Variants in ZNF208 observed in about 807,000 individuals in gnomAD.
The protein encoded by ZNF208 is zinc finger protein 208.
Under a neutral mutation model 12.1 loss-of-function variants are expected in ZNF208, and 10 were observed. The ratio of observed to expected loss-of-function variants is 0.83; its 90% CI spans 0.51 to 1.40. The LOEUF is 1.40. ZNF208 is among the 40% of genes most tolerant of loss of function. The pLI is 0.00. For synonymous variants in ZNF208, 497 were observed against 488.4 expected, an observed-to-expected ratio of 1.02 and a Z score of -0.23; for missense variants, 1,652 against 1,485.0, an observed-to-expected ratio of 1.11 and a Z score of -1.85.
downstream of ZNF208, among the ~76,000 whole-genome samples, chr19:21,961,271 C>A (rs563026221): frequency 1.2e-4 from 19 of 152,226 alleles, no homozygotes; most frequent in African/African-American, 4.3e-4. Context: ...AGCCACAAAT[C>A]CAGCAAGTTT....
chr19:22,007,505 CAAAAAAAAAAAAAA>C (rs58769307), intron 1 of ZNF208, among the ~76,000 whole-genome samples: 2 of 62,556 alleles, frequency 3.2e-5, no homozygotes, highest in African/African-American at 8.1e-5. Flanking sequence ...ACTCTGTCTC[CAAAAAAAAAAAAAA>C]AAAAAAAAAA....
At chr19:21,974,977 G>A (rs558727964) in intron 3 of ZNF208, among the ~76,000 whole-genome samples, 170 bp from the exon 4 acceptor site, 48 of 152,148 alleles carry the variant, frequency 3.2e-4, no homozygotes, top group African/African-American at 8.9e-4. Context: ...CATATAGACC[G>A]AAATACATAT....
chr19:22,000,002 G>A (rs534730885), intron 1 of ZNF208, among the ~76,000 whole-genome samples: 258 of 152,178 alleles, frequency 1.7e-3, no homozygotes, highest in Non-Finnish European at 3.1e-3. Context: ...ATGTTTATGG[G>A]GGGAAAAGCA....
chr19:21,995,444 G>A (rs1295139824), intron 1 of ZNF208, among the ~76,000 whole-genome samples: 1 of 152,190 alleles, frequency 6.6e-6, no homozygotes, highest in East Asian at 1.9e-4. Flanking sequence ...CACTGGGACA[G>A]AAGCAGAATT....
intron 1 of ZNF208, among the ~76,000 whole-genome samples, chr19:21,999,017 T>G (rs1019557690): frequency 4.2e-5 from 6 of 143,710 alleles, no homozygotes. Flanking sequence ...TGCTATAATT[T>G]TATAGCATAA....
rs149332948 is a variant in ZNF208 at position 22,005,002 on chromosome 19, G to A, written c.3+5790C>T. Among the ~76,000 whole-genome samples the A allele has an allele frequency of 4.6e-5, 7 of 152,320 alleles. No homozygotes were observed. In the East Asian group the frequency reaches 1.4e-3, roughly 29 times the overall value. On this transcript the variant is annotated intron_variant, in intron 1 of 3. Coordinates refer to ENST00000397126, the MANE Select transcript of ZNF208 (RefSeq NM_007153.3). Reference sequence around the variant, plus strand: ...GGTTTGTCCTATAGATAGTGGCCCAGGTGGGGCTGTACTCTGATTTATTTC... The same window carrying A: ...GGTTTGTCCTATAGATAGTGGCCCAAGTGGGGCTGTACTCTGATTTATTTC...
In ZNF208 at chr19:21,972,113, T is replaced by G; in HGVS notation, c.2921A>C (p.Lys974Thr). ...KKIHTEEKPYKYEECGKGFST... is the reference protein window; with the variant it reads ...KKIHTEEKPYTYEECGKGFST... ...AAAGCCTTTGCCACATTCTTCATAT[T>G]TGTAAGGTTTCTCTTCAGTATGAAT... The change falls in exon 4 of 4, where the codon AAA (lysine) becomes ACA (threonine). Residue 974 changes from lysine to threonine, a missense_variant. By Grantham distance (78) the Lys-to-Thr change is moderately conservative (BLOSUM62 -1). Coordinates refer to ENST00000397126, the MANE Select transcript of ZNF208 (RefSeq NM_007153.3). 2 of 1,613,300 alleles carry G rather than the reference T, an allele frequency of 1.2e-6. No individual in the cohort carries two copies. The highest frequency in any genetic ancestry group is 1.1e-5 in the South Asian group (1 of 91,002).
Position 21,967,142 on chromosome 19 carries a change from A to G in ZNF208, c.*4049T>C, listed in dbSNP as rs1970186225. The G allele has an allele frequency of 6.6e-6, 1 of 151,936 alleles. No individual in the cohort carries two copies. The highest frequency in any genetic ancestry group is 1.5e-5 in the Non-Finnish European group (1 of 67,980). 9.4% of individuals were successfully genotyped at this position (151,936 alleles called of 1,614,324 possible). On this transcript the variant is annotated 3_prime_UTR_variant, in exon 4 of 4. Coordinates refer to ENST00000397126, the MANE Select transcript of ZNF208 (RefSeq NM_007153.3). ...TAGTCATAAATTCTTTACAGAGGCC[A>G]GTATTATCTAAGTGTTATTCTAAGA...
chr19:21,961,864 T>G (rs771398516), downstream of ZNF208, among the ~76,000 whole-genome samples: 1 of 152,136 alleles, frequency 6.6e-6, no homozygotes, highest in East Asian at 1.9e-4. Context: ...CTAAAATCAC[T>G]GTTATTCTGT....
chr19:21,973,556 C>T lies in ZNF208; in HGVS notation c.1478G>A (p.Gly493Glu). 6.2e-7 allele frequency: 1 copy of T among 1,612,924 alleles called. No homozygotes were observed. Among genetic ancestry groups the T allele is most frequent in the Non-Finnish European group, 8.5e-7 (1 of 1,179,774 alleles). The stretch of plus-strand genomic sequence containing the variant: ...TTCTTCACATTTGTAGGGTTTCTCT[C>T]CAGCATGAGTTGCCTTATCACATTC... ...CEECDKATHA[G>E]EKPYKCEECG... The change falls in exon 4 of 4, where the codon GGA (glycine) becomes GAA (glutamate). Residue 493 changes from glycine (G) to glutamate (E), a missense_variant. Transcript: ENST00000397126.
chr19:21,950,111 T>TTAAA (rs879568633), intron 4 of ZNF208, among the ~76,000 whole-genome samples: 85 of 152,332 alleles, frequency 5.6e-4, no homozygotes, highest in African/African-American at 2.0e-3. Flanking sequence ...TTTTAATTAA[T>TTAAA]TAAATAAACA....
intron 3 of ZNF208, among the ~76,000 whole-genome samples, chr19:21,975,442 C>T (rs1274672619): frequency 9.9e-5 from 15 of 152,034 alleles, no homozygotes; most frequent in African/African-American, 4.8e-5. Flanking sequence ...AAAGTAAATG[C>T]AAAACTTCAG....
chr19:21,940,738 C>T (rs1969725203), intron 4 of ZNF208: 2 of 152,396 alleles, frequency 1.3e-5, no homozygotes, highest in East Asian at 3.9e-4. Context: ...CCGGCCCAGC[C>T]CCTCCTCACT....
intron 2 of ZNF208, among the ~76,000 whole-genome samples, chr19:21,988,370 GCAAA>G (rs1177513009): frequency 6.6e-6 from 1 of 152,136 alleles, no homozygotes; most frequent in East Asian, 1.9e-4. Flanking sequence ...ATGATAAACA[GCAAA>G]CAGTTTATCA....
chr19:21,945,187 A>T (rs1329817099), intron 4 of ZNF208, among the ~76,000 whole-genome samples: 1 of 152,148 alleles, frequency 6.6e-6, no homozygotes, highest in East Asian at 1.9e-4. Flanking sequence ...CTCTTTATAA[A>T]TAATTATATA....
At chr19:21,961,558 G>GT (rs1256598019), downstream of ZNF208, among the ~76,000 whole-genome samples, 2 of 152,138 alleles carry the variant, frequency 1.3e-5, no homozygotes, top group African/African-American at 4.8e-5. Flanking sequence ...CCAGGGTGGG[G>GT]TTTTTTTCCC....
chr19:21,967,446 T>G lies in ZNF208; in HGVS notation c.*3745A>C. On this transcript the variant is annotated 3_prime_UTR_variant, in exon 4 of 4. Transcript: ENST00000397126. The stretch of plus-strand genomic sequence containing the variant: ...AACCATGTTATACTGGTTATTCTGA[T>G]GCAATCTTGGCTCACTGCAACCTCC... 6.6e-6 allele frequency: 1 copy of G among 152,176 alleles called. No individual in the cohort carries two copies. The highest frequency in any genetic ancestry group is 1.9e-4 in the East Asian group (1 of 5,192). The allele number at this position is 152,176 out of a possible 1,614,324, so 9.4% of individuals were successfully genotyped here.
intron 3 of ZNF208, among the ~76,000 whole-genome samples, chr19:21,984,965 A>G (rs1452516656): frequency 3.3e-5 from 5 of 152,228 alleles, no homozygotes; most frequent in African/African-American, 1.2e-4. Flanking sequence ...TTACATAGCA[A>G]TAATTATTAC....
intron 3 of ZNF208, among the ~76,000 whole-genome samples, chr19:21,985,068 G>T (rs1970610961): frequency 6.6e-6 from 1 of 151,976 alleles, no homozygotes; most frequent in Admixed American, 6.6e-5. Context: ...ATATCACTCA[G>T]TTTTAAAAAA....
Sources: allele counts gnomAD v4.1 joint callset (sites outside exome capture counted in the v4.1 genomes callset), GRCh38; gene constraint gnomAD v4.1.1; transcripts MANE v1.5; gene names NCBI Gene and HGNC (gene_info 2026-07-23, HGNC 2026-07-21).